Variants in SDHAF4 observed in about 807,000 individuals in gnomAD.
SDHAF4 encodes the protein succinate dehydrogenase complex assembly factor 4, also known as succinate dehydrogenase assembly factor 4, mitochondrial.
A neutral mutation model predicts 14.3 loss-of-function variants in SDHAF4; 14 were observed. The observed-to-expected ratio is 0.98, with a 90% CI of 0.65 to 1.53. SDHAF4 has a LOEUF of 1.53. Among genes scored for constraint, SDHAF4 ranks in the 40% most tolerant of loss-of-function variants. The probability of loss-of-function intolerance (pLI) is 0.00; values close to 1 mark genes in which losing one functional copy is unlikely to be tolerated. For synonymous variants in SDHAF4, 63 were observed against 47.3 expected, an observed-to-expected ratio of 1.33 and a Z score of -1.36; for missense variants, 141 against 129.3, an observed-to-expected ratio of 1.09 and a Z score of -0.44.
chr6:70,569,936 G>A (rs1802158503), intron 1 of SDHAF4, among the ~76,000 whole-genome samples: 1 of 152,140 alleles, frequency 6.6e-6, no homozygotes. Flanking sequence ...TGTGAGGCAG[G>A]AAACCAGTTT....
At chr6:70,587,182 A>ACACACACACACACACC (rs1350528449) in intron 2 of SDHAF4, among the ~76,000 whole-genome samples, 1 of 147,030 alleles carries the variant, frequency 6.8e-6, no homozygotes, top group African/African-American at 2.5e-5. Context: ...ACACACACAC[A>ACACACACACACACACC]CACACACACA....
intron 1 of SDHAF4, among the ~76,000 whole-genome samples, chr6:70,570,894 G>A (rs1017096486): frequency 2.6e-5 from 4 of 151,476 alleles, no homozygotes; most frequent in East Asian, 1.9e-4. Flanking sequence ...AAAAATCTCC[G>A]TCTTATGTTT....
intron 1 of SDHAF4, among the ~76,000 whole-genome samples, chr6:70,573,221 A>G (rs900206934): frequency 6.9e-6 from 1 of 145,534 alleles, no homozygotes; most frequent in African/African-American, 2.6e-5. Context: ...TTTATTCCAG[A>G]TTATAAATTC....
At chr6:70,586,933 C>G (rs536455743) in intron 2 of SDHAF4, among the ~76,000 whole-genome samples, 3 of 152,170 alleles carry the variant, frequency 2.0e-5, no homozygotes, top group African/African-American at 2.4e-5. Context: ...CTTTGGGAGG[C>G]TGAGGCGGGT....
At chr6:70,594,202 C>A (rs565358215), downstream of SDHAF4, among the ~76,000 whole-genome samples, 1 of 152,220 alleles carries the variant, frequency 6.6e-6, no homozygotes, top group East Asian at 1.9e-4. Context: ...TAAGTTAAGA[C>A]CTTGGGGCTA....
chr6:70,596,343 C>T, the SDHAF4 span: 1 of 152,166 alleles, frequency 6.6e-6, no homozygotes, highest in South Asian at 2.1e-4. Flanking sequence ...CAAGGATTTC[C>T]CATTAGATTG....
chr6:70,573,490 C>G (rs1438498224), intron 1 of SDHAF4, among the ~76,000 whole-genome samples: 2 of 151,666 alleles, frequency 1.3e-5, no homozygotes, highest in East Asian at 3.9e-4. Flanking sequence ...TCTTGAACCC[C>G]TGACCTCAGG....
intron 1 of SDHAF4, among the ~76,000 whole-genome samples, chr6:70,575,531 C>G (rs1002650548): frequency 5.4e-5 from 8 of 149,388 alleles, no homozygotes; most frequent in South Asian, 2.1e-4. Flanking sequence ...TTTGTGTTCA[C>G]CTCACTGGAC....
downstream of SDHAF4, among the ~76,000 whole-genome samples, chr6:70,592,576 C>G (rs1460881063): frequency 6.6e-6 from 1 of 152,174 alleles, no homozygotes; most frequent in Non-Finnish European, 1.5e-5. Flanking sequence ...ACACCCTACT[C>G]CCAGCTACCA....
At chr6:70,567,154 C>T (rs1242480168) in intron 1 of SDHAF4, 150 bp downstream of exon 1, 4 of 785,830 alleles carry the variant, frequency 5.1e-6, no homozygotes, top group Non-Finnish European at 7.9e-6. Flanking sequence ...GCCGCCCACC[C>T]GGTGGCCTGG....
chr6:70,595,853 GAAAAGAAA>G, the SDHAF4 span, among the ~76,000 whole-genome samples: 8 of 114,902 alleles, frequency 7.0e-5, no homozygotes, highest in African/African-American at 2.5e-4. Flanking sequence ...AAAAAAAAAA[GAAAAGAAA>G]AAAAGAAAAA....
the SDHAF4 span, among the ~76,000 whole-genome samples, chr6:70,595,172 C>T: frequency 1.2e-4 from 19 of 152,118 alleles, no homozygotes; most frequent in Non-Finnish European, 2.4e-4. Context: ...CCTAAGGTAT[C>T]CTTTGCTGCA....
At chr6:70,571,231 G>A (rs1802174428) in intron 1 of SDHAF4, among the ~76,000 whole-genome samples, 1 of 152,038 alleles carries the variant, frequency 6.6e-6, no homozygotes, top group Admixed American at 6.6e-5. Flanking sequence ...GCTTTAATCT[G>A]TTGAGGTGGT....
At chr6:70,593,692 T>G (rs34968002), downstream of SDHAF4, among the ~76,000 whole-genome samples, 63,834 of 151,446 alleles carry the variant, frequency 0.42, 14,231 homozygotes, top group African/African-American at 0.56. Context: ...GGGTTTTTTT[T>G]TGTGTGTGTG....
At chr6:70,595,907 T>C in the SDHAF4 span, among the ~76,000 whole-genome samples, 1 of 151,802 alleles carries the variant, frequency 6.6e-6, no homozygotes, top group African/African-American at 2.4e-5. Flanking sequence ...GTTTTGCTTG[T>C]GTTCTACACT....
chr6:70,577,411 T>A (rs1474522889), intron 1 of SDHAF4, among the ~76,000 whole-genome samples: 1 of 152,222 alleles, frequency 6.6e-6, no homozygotes, highest in African/African-American at 2.4e-5. Flanking sequence ...AACGCTGAGA[T>A]CACTTTTTTC....
chr6:70,582,596 T>G (rs149028844), intron 2 of SDHAF4, among the ~76,000 whole-genome samples: 4 of 152,166 alleles, frequency 2.6e-5, no homozygotes, highest in African/African-American at 4.8e-5. Context: ...TCCTCTTCCT[T>G]CGGGATTTCC....
chr6:70,581,384 A>G (rs9455167), intron 2 of SDHAF4, among the ~76,000 whole-genome samples: 6,600 of 152,236 alleles, frequency 0.043, 314 homozygotes, highest in African/African-American at 0.1. Context: ...TAGGCATTCA[A>G]CGTAAGTCTT....
At chr6:70,579,899 G>A (rs1279084249) in intron 2 of SDHAF4, among the ~76,000 whole-genome samples, 3 of 152,084 alleles carry the variant, frequency 2.0e-5, no homozygotes, top group African/African-American at 4.8e-5. Flanking sequence ...TTGTATCAAA[G>A]ATCTTATGTG....
Sources: gnomAD v4.1 joint callset for allele counts (sites outside exome capture counted in the v4.1 genomes callset) on GRCh38, gnomAD v4.1.1 for gene constraint, MANE v1.5 for transcripts, NCBI Gene and HGNC (gene_info 2026-07-23, HGNC 2026-07-21) for gene names.